ZNF385B: variants seen among roughly 807,000 people sequenced by gnomAD.
The protein encoded by ZNF385B is zinc finger protein 533.
A neutral mutation model predicts 39.2 loss-of-function variants in ZNF385B; 23 were observed. The observed-to-expected ratio is 0.59, with a 90% CI of 0.42 to 0.83. The LOEUF is 0.83. Ranked by LOEUF, ZNF385B falls within the 40% of genes least tolerant of loss-of-function variation. ZNF385B has a pLI of 0.00. For missense variants in ZNF385B, 552 were observed against 598.9 expected, an observed-to-expected ratio of 0.92 and a Z score of 0.82; for synonymous variants, 205 against 222.6, an observed-to-expected ratio of 0.92 and a Z score of 0.70.
chr2:179,741,024 T>TA (rs890940997), intron 3 of ZNF385B, among the ~76,000 whole-genome samples: 46 of 152,138 alleles, frequency 3.0e-4, no homozygotes, highest in Non-Finnish European at 5.3e-4. Context: ...TCAAAGAAGA[T>TA]ATGGTTTTGT....
chr2:179,465,248 C>T (rs1295344298), intron 6 of ZNF385B, among the ~76,000 whole-genome samples: 1 of 152,074 alleles, frequency 6.6e-6, no homozygotes, highest in Non-Finnish European at 1.5e-5. Flanking sequence ...TCTGCCTGTC[C>T]CTAAATGTTG....
chr2:179,698,467 T>C (rs1444098804), intron 3 of ZNF385B, among the ~76,000 whole-genome samples: 1 of 152,236 alleles, frequency 6.6e-6, no homozygotes, highest in Admixed American at 6.5e-5. Context: ...AAGGGCAGAA[T>C]AACTTAGAGT....
chr2:179,848,775 T>A (rs1009531639), intron 1 of ZNF385B, among the ~76,000 whole-genome samples: 42 of 152,176 alleles, frequency 2.8e-4, no homozygotes, highest in African/African-American at 9.4e-4. Context: ...ACCTTGACTG[T>A]CCTCTACTAA....
At chr2:179,691,496 C>T (rs1441206024) in intron 3 of ZNF385B, among the ~76,000 whole-genome samples, 4 of 152,180 alleles carry the variant, frequency 2.6e-5, no homozygotes, top group Non-Finnish European at 4.4e-5. Flanking sequence ...TATGAGTGAT[C>T]TAGATACTGG....
intron 3 of ZNF385B, among the ~76,000 whole-genome samples, chr2:179,680,615 ATAAAC>A (rs1317578843): frequency 1.3e-5 from 2 of 152,198 alleles, no homozygotes; most frequent in African/African-American, 2.4e-5. Flanking sequence ...ATTAGGATTT[ATAAAC>A]TGTTCGCAGG....
intron 3 of ZNF385B, among the ~76,000 whole-genome samples, chr2:179,720,925 G>GTTTT (rs56131510): frequency 7.6e-4 from 53 of 70,118 alleles, no homozygotes; most frequent in Admixed American, 1.2e-3. Flanking sequence ...ATGCCTGGCT[G>GTTTT]TTTTTTTTTT....
intron 5 of ZNF385B, among the ~76,000 whole-genome samples, chr2:179,510,958 A>G (rs2057637425): frequency 1.3e-5 from 2 of 152,218 alleles, no homozygotes; most frequent in African/African-American, 4.8e-5. Context: ...CATAATGACA[A>G]ATAAAAAGCT....
intron 3 of ZNF385B, among the ~76,000 whole-genome samples, chr2:179,570,914 T>C (rs1176439495): frequency 3.3e-5 from 5 of 152,204 alleles, no homozygotes; most frequent in Non-Finnish European, 7.3e-5. Context: ...AAACCGAATA[T>C]CTTTTTTTAA....
chr2:179,563,304 C>T (rs1055554270), intron 3 of ZNF385B, among the ~76,000 whole-genome samples: 9 of 152,068 alleles, frequency 5.9e-5, no homozygotes, highest in African/African-American at 2.2e-4. Context: ...GTGGCTATGA[C>T]TGAATGGTTG....
At chr2:179,676,325 T>C (rs77710347) in intron 3 of ZNF385B, among the ~76,000 whole-genome samples, 35,459 of 150,864 alleles carry the variant, frequency 0.24, 4,267 homozygotes, top group Admixed American at 0.26. Flanking sequence ...CCCGACGTCA[T>C]GATCCGCCTG....
At chr2:179,766,673 A>G (rs1160073001) in intron 3 of ZNF385B, among the ~76,000 whole-genome samples, 7 of 152,298 alleles carry the variant, frequency 4.6e-5, no homozygotes, top group Admixed American at 4.6e-4. Flanking sequence ...ATTGGATTAC[A>G]GCCCATCCTA....
At chr2:179,499,308 G>A (rs62177235) in intron 5 of ZNF385B, among the ~76,000 whole-genome samples, 22,298 of 151,684 alleles carry the variant, frequency 0.15, 1,961 homozygotes, top group Middle Eastern at 0.21. Context: ...CTCCAAACTC[G>A]TTCTACAAGG....
chr2:179,602,147 C>T (rs970761622), intron 3 of ZNF385B, among the ~76,000 whole-genome samples: 9 of 152,202 alleles, frequency 5.9e-5, no homozygotes, highest in African/African-American at 1.9e-4. Flanking sequence ...ATACTCAGAA[C>T]TGTCCACTAA....
chr2:179,625,913 C>G (rs1227050582), intron 3 of ZNF385B, among the ~76,000 whole-genome samples: 1 of 151,974 alleles, frequency 6.6e-6, no homozygotes, highest in Non-Finnish European at 1.5e-5. Context: ...CTCTCATTCT[C>G]TGCTGTCTCC....
At chr2:179,455,722 T>C (rs185518189) in intron 6 of ZNF385B, among the ~76,000 whole-genome samples, 1 of 138,860 alleles carries the variant, frequency 7.2e-6, no homozygotes, top group East Asian at 2.0e-4. Context: ...ATCCCGTCTC[T>C]ACCAAAAATA....
At chr2:179,837,614 C>G (rs1462632865) in intron 1 of ZNF385B, among the ~76,000 whole-genome samples, 1 of 152,312 alleles carries the variant, frequency 6.6e-6, no homozygotes, top group Admixed American at 6.5e-5. Flanking sequence ...CCGTGGTTTT[C>G]CCTCCTCCAA....
chr2:179,475,259 T>TA (rs2053280509), intron 6 of ZNF385B, among the ~76,000 whole-genome samples: 3 of 151,394 alleles, frequency 2.0e-5, no homozygotes, highest in East Asian at 1.9e-4. Context: ...CAATTTTTTT[T>TA]TTTTTTTTTT....
chr2:179,565,004 T>C (rs1428563485), intron 3 of ZNF385B, among the ~76,000 whole-genome samples: 2 of 152,208 alleles, frequency 1.3e-5, no homozygotes, highest in Non-Finnish European at 2.9e-5. Context: ...GTTAGTAAGC[T>C]TTATGACATC....
At chr2:179,616,841 G>A (rs983392679) in intron 3 of ZNF385B, among the ~76,000 whole-genome samples, 2 of 152,116 alleles carry the variant, frequency 1.3e-5, no homozygotes, top group Non-Finnish European at 2.9e-5. Flanking sequence ...GATTATAGGC[G>A]TGAGCCACCG....
Sources: allele counts gnomAD v4.1 joint callset (sites outside exome capture counted in the v4.1 genomes callset), GRCh38; gene constraint gnomAD v4.1.1; transcripts MANE v1.5; gene names NCBI Gene and HGNC (gene_info 2026-07-23, HGNC 2026-07-21).